The following TRIOBP variants were observed in gnomAD, a reference collection of about 807,000 sequenced individuals.
TRIOBP encodes TRIO and F-actin-binding protein.
Under a neutral mutation model 238.8 loss-of-function variants are expected in TRIOBP, and 169 were observed. The observed-to-expected ratio is 0.71, with a 90% CI of 0.62 to 0.80. The LOEUF (loss-of-function observed/expected upper bound fraction) is 0.80. TRIOBP is among the 30% of genes least tolerant of loss of function. The pLI is 0.00. For synonymous variants in TRIOBP, 1,150 were observed against 1,274.4 expected (o/e 0.90, Z 2.08); for missense variants, 2,838 against 3,122.6 (o/e 0.91, Z 2.17).
In TRIOBP at chr22:37,734,652, C is replaced by T. The variant is rs768859839; in HGVS notation, c.4316C>T (p.Pro1439Leu). 18 of 1,595,988 alleles carry T rather than the reference C, an allele frequency of 1.1e-5. No homozygotes were observed. The highest frequency in any genetic ancestry group is 1.7e-4 in the Middle Eastern group (1 of 6,054). ...GAGGAACCGCCAGGGTCCCAGGGCC[C>T]TCATAGACACCTAGAAAGGAGCTGG... The part of the protein sequence containing the change: ...SQEEPPGSQG[P>L]HRHLERSWSS... The change falls in exon 9 of 24, where the codon CCT becomes CTT. Residue 1439 changes from proline to leucine, a missense_variant. Coordinates refer to ENST00000644935, the MANE Select transcript of TRIOBP (RefSeq NM_001039141.3).
At chr22:37,709,995 A>G (rs753854240) in intron 3 of TRIOBP, among the ~76,000 whole-genome samples, 16 of 152,170 alleles carry the variant, frequency 1.1e-4, no homozygotes, top group Admixed American at 3.3e-4. Context: ...TTTGGCCGCA[A>G]AAGACCCTGG....
At chr22:37,699,112 G>A (rs1023624031) in intron 2 of TRIOBP, among the ~76,000 whole-genome samples, 2 of 151,728 alleles carry the variant, frequency 1.3e-5, no homozygotes, top group South Asian at 2.1e-4. Flanking sequence ...ATCACATCAC[G>A]GCACTCCAGC....
chr22:37,762,740 C>G (rs1470853870), intron 17 of TRIOBP, among the ~76,000 whole-genome samples: 3 of 152,136 alleles, frequency 2.0e-5, no homozygotes, highest in Non-Finnish European at 4.4e-5. Flanking sequence ...CTGTATCGCC[C>G]TCAGGCACGG....
In TRIOBP at chr22:37,725,087, T is replaced by G. The variant is rs759230519; in HGVS notation, c.2531T>G (p.Leu844Arg). Residue 844 changes from leucine (L) to arginine (R), a missense_variant, in exon 7 of 24, where the codon CTC (leucine) becomes CGC (arginine). By Grantham distance (102) the Leu-to-Arg change is moderately radical. Around this residue, in one of 5 missense-constraint regions of TRIOBP, gnomAD observed 2,096 missense variants for 2,137.4 expected, o/e 0.98. Coordinates refer to ENST00000644935, the MANE Select transcript of TRIOBP (RefSeq NM_001039141.3). Reference sequence around the variant, plus strand: ...ACCTCTTGTACCAAACGAGATAACCTCAGACCCACTTGTACACAGCGGGAC... The same window carrying G: ...ACCTCTTGTACCAAACGAGATAACCGCAGACCCACTTGTACACAGCGGGAC... ...PKTSCTKRDN[L>R]RPTCTQRDRT... The G allele has an allele frequency of 1.9e-5, 30 of 1,614,028 alleles. No individual in the cohort carries two copies. The African/African-American group carries it at 3.6e-4, about 19-fold the overall frequency.
chr22:37,751,932 G>A lies in TRIOBP; in HGVS notation c.5379+104G>A. The A allele has an allele frequency of 4.7e-6, 5 of 1,073,592 alleles. No homozygotes were observed. The Admixed American group carries it at 7.9e-5, about 17-fold the overall frequency. The allele number at this position is 1,073,592 out of a possible 1,614,324, so 66.5% of individuals were successfully genotyped here. A position where few individuals can be genotyped will look rare whatever the true frequency, so the allele number is the denominator to read the frequency against. ...GGGCTGGGGCTGGTGTGAGAACCCT[G>A]GGGGTGGGGCTGGGAGGGGTGGAGG... On this transcript the variant is annotated intron_variant, in intron 12 of 23. Coordinates refer to ENST00000644935, the MANE Select transcript of TRIOBP (RefSeq NM_001039141.3).
chr22:37,755,703 C>T, intron 15 of TRIOBP, 44 bp downstream of exon 15: 1 of 1,568,968 alleles, frequency 6.4e-7, no homozygotes, highest in South Asian at 1.1e-5. Flanking sequence ...GGCACTTACC[C>T]TTGCGTCCCC....
intron 18 of TRIOBP, among the ~76,000 whole-genome samples, chr22:37,766,844 C>T (rs1036908662): frequency 2.6e-5 from 4 of 151,896 alleles, no homozygotes; most frequent in Non-Finnish European, 4.4e-5. Flanking sequence ...AGCTGCAATC[C>T]CAGCTACTCA....
intron 17 of TRIOBP, among the ~76,000 whole-genome samples, chr22:37,762,672 G>T (rs554789600): frequency 1.3e-3 from 198 of 152,332 alleles, no homozygotes; most frequent in African/African-American, 4.3e-3. Context: ...CTGAAGACCA[G>T]GCAGGTGGAG....
Position 37,723,485 on chromosome 22 carries a change from C to T in TRIOBP, c.929C>T (p.Ser310Phe). Residue 310 changes from serine to phenylalanine, a missense_variant, in exon 7 of 24, where the codon TCC becomes TTC. This residue lies in a region of TRIOBP where 535 missense variants were observed against 537.3 expected (regional missense o/e 1.00). Coordinates refer to ENST00000644935, the MANE Select transcript of TRIOBP (RefSeq NM_001039141.3). ...GCCTCATCCACCCAACAGGAAACCT[C>T]CAGGGCCTCATCCACCCAAGAGGAC... ...SRASSTQQETSRASSTQEDTP... is the reference protein window; with the variant it reads ...SRASSTQQETFRASSTQEDTP... 3 of 1,613,702 alleles carry T rather than the reference C, an allele frequency of 1.9e-6. No individual in the cohort carries two copies. Among genetic ancestry groups the T allele is most frequent in the Non-Finnish European group, 2.5e-6 (3 of 1,179,874 alleles).
intron 7 of TRIOBP, 82 bp downstream of exon 7, chr22:37,726,585 G>T (rs1924180851): frequency 1.5e-6 from 2 of 1,339,732 alleles, no homozygotes; most frequent in Admixed American, 3.3e-5. Flanking sequence ...GGTGCCAAAA[G>T]AAAGTGTTCA....
chr22:37,726,176 A>G lies in TRIOBP; in HGVS notation c.3620A>G (p.His1207Arg), dbSNP rs747850578. 6.3e-7 allele frequency: 1 copy of G among 1,579,952 alleles called. No individual in the cohort carries two copies. The highest frequency in any genetic ancestry group is 1.1e-5 in the South Asian group (1 of 87,124). ...CTGGCCCCCTCCACTGACTCTCTGC[A>G]TGGCTCCCCAGTGCTGATCCCCCAA... is the stretch of plus-strand genomic sequence containing the variant. ...ESLAPSTDSL[H>R]GSPVLIPQVC... Residue 1207 changes from histidine (H) to arginine (R), a missense_variant, in exon 7 of 24, where the codon CAT becomes CGT. By Grantham distance (29) the His-to-Arg change is conservative. Around this residue, in one of 5 missense-constraint regions of TRIOBP, gnomAD observed 2,096 missense variants for 2,137.4 expected, o/e 0.98. Transcript: ENST00000644935.
intron 4 of TRIOBP, 39 bp downstream of exon 4, chr22:37,710,605 G>A (rs1214829519): frequency 1.9e-6 from 3 of 1,593,194 alleles, no homozygotes; most frequent in South Asian, 1.1e-5. Context: ...GCTTCATGGG[G>A]TGGAATGCCC....
At chr22:37,709,657 G>A (rs904107307) in intron 3 of TRIOBP, among the ~76,000 whole-genome samples, 7 of 152,304 alleles carry the variant, frequency 4.6e-5, no homozygotes, top group South Asian at 2.1e-4. Flanking sequence ...GGGAACTGCC[G>A]CTCTCCAGAG....
chr22:37,717,547 A>G (rs1168269523), intron 6 of TRIOBP, among the ~76,000 whole-genome samples: 2 of 152,164 alleles, frequency 1.3e-5, no homozygotes, highest in Admixed American at 1.3e-4. Context: ...TCCCCACTAG[A>G]TTAGCTAGAT....
At chr22:37,773,749 C>G (rs1473498007) in intron 23 of TRIOBP, 34 bp from the exon 24 acceptor site, 1 of 152,862 alleles carries the variant, frequency 6.5e-6, no homozygotes, top group Non-Finnish European at 1.5e-5. Context: ...GCCCCTCAGC[C>G]CAGGCCTCAG....
chr22:37,721,846 C>T (rs1425139155), intron 6 of TRIOBP, among the ~76,000 whole-genome samples: 1 of 152,146 alleles, frequency 6.6e-6, no homozygotes, highest in Non-Finnish European at 1.5e-5. Context: ...AGCCAAGGGA[C>T]ATGTACATAG....
chr22:37,706,938 T>A (rs5750478), intron 3 of TRIOBP, among the ~76,000 whole-genome samples: 122,325 of 151,926 alleles, frequency 0.81, 51,497 homozygotes, highest in East Asian at 1. Flanking sequence ...TCTGGGCAGG[T>A]AGCAGCTCCC....
intron 9 of TRIOBP, among the ~76,000 whole-genome samples, chr22:37,737,996 G>A (rs1467199127): frequency 6.6e-6 from 1 of 152,176 alleles, no homozygotes; most frequent in Admixed American, 6.5e-5. Context: ...ATCTCTACCT[G>A]CTTTATCTCT....
rs75724696 is a variant in TRIOBP at position 37,745,654 on chromosome 22, T to C, written c.5322+4622T>C. Among the ~76,000 whole-genome samples, 978 of 152,326 alleles carry C rather than the reference T, an allele frequency of 6.4e-3. 11 individuals carry two copies. Among genetic ancestry groups the C allele is most frequent in the African/African-American group, 0.022 (927 of 41,570 alleles). On this transcript the variant is annotated intron_variant, in intron 11 of 23. Transcript: ENST00000644935. Reference sequence around the variant, plus strand: ...GCTTACTCGCTAGGAATTCCGCCTCTTCCTGTGTGACCTCGGGCAAATCGG... The same window carrying C: ...GCTTACTCGCTAGGAATTCCGCCTCCTCCTGTGTGACCTCGGGCAAATCGG...
Sources: gnomAD v4.1 joint callset for allele counts (sites outside exome capture counted in the v4.1 genomes callset) on GRCh38, gnomAD v4.1.1 for gene constraint, gnomAD v4.1.1 regional missense constraint, MANE v1.5 for transcripts, NCBI Gene and HGNC (gene_info 2026-07-23, HGNC 2026-07-21) for gene names.